The following DAB2 variants were observed in gnomAD, a reference collection of about 807,000 sequenced individuals.
The protein encoded by DAB2 is DAB adaptor protein 2.
A neutral mutation model predicts 71.6 loss-of-function variants in DAB2; 28 were observed. The observed-to-expected ratio is 0.39, with a 90% CI of 0.29 to 0.54. DAB2 has a LOEUF of 0.54. Among genes scored for constraint, DAB2 ranks in the 20% least tolerant of loss-of-function variants. The pLI, the probability that DAB2 is intolerant of heterozygous loss-of-function variation, is 0.68. For missense variants in DAB2, 867 were observed against 928.8 expected, an observed-to-expected ratio of 0.93 and a Z score of 0.86; for synonymous variants, 345 against 339.7, an observed-to-expected ratio of 1.02 and a Z score of -0.17.
chr5:39,422,213 C>T lies in DAB2; in HGVS notation c.-102+2591G>A, dbSNP rs551050979. On this transcript the variant is annotated intron_variant, in intron 1 of 14. Coordinates refer to ENST00000320816, the MANE Select transcript of DAB2 (RefSeq NM_001343.4). This position sits in a 1 kb window ranked among gnomAD's most constrained non-coding sequence, Gnocchi z 4.1. ...AATTTTAAAATACCACATCCTGTTA[C>T]TCAGGTGTTTCATATTGCCAATCTG... Among the ~76,000 whole-genome samples the T allele has an allele frequency of 1.3e-5, 2 of 152,342 alleles. No homozygotes were observed. Among genetic ancestry groups the T allele is most frequent in the South Asian group, 2.1e-4 (1 of 4,828 alleles).
intron 2 of DAB2, among the ~76,000 whole-genome samples, chr5:39,393,775 C>A (rs1428490142): frequency 6.6e-6 from 1 of 152,062 alleles, no homozygotes; most frequent in Admixed American, 6.5e-5. Context: ...AATTTACCAA[C>A]ATTTTAAATT....
At chr5:39,408,963 A>ACCCC (rs958599344) in intron 1 of DAB2, 8 of 152,158 alleles carry the variant, frequency 5.3e-5, no homozygotes, top group African/African-American at 1.9e-4. Context: ...TGGATAAGAA[A>ACCCC]CCCCTGGGTA....
chr5:39,424,613 G>A (rs1301773455), intron 1 of DAB2, among the ~76,000 whole-genome samples, 191 bp downstream of exon 1: 1 of 147,470 alleles, frequency 6.8e-6, no homozygotes, highest in Non-Finnish European at 1.5e-5. Context: ...GCATTCCTCA[G>A]ATGTCAGGCC....
chr5:39,411,555 C>T (rs1323426950), intron 1 of DAB2, among the ~76,000 whole-genome samples: 2 of 152,138 alleles, frequency 1.3e-5, no homozygotes, highest in African/African-American at 2.4e-5. Context: ...TTGGAGGATC[C>T]ACTCCATGGT....
intron 1 of DAB2, among the ~76,000 whole-genome samples, chr5:39,406,590 A>G (rs577509975): frequency 1.3e-5 from 2 of 152,352 alleles, no homozygotes; most frequent in African/African-American, 4.8e-5. Context: ...CTAGTTTTGA[A>G]GTGATATTAA....
In DAB2 at chr5:39,377,273, G is replaced by A. The variant is rs145194026; in HGVS notation, c.1514C>T (p.Thr505Ile). ...TGGTCCTGCCTGAGGGAGTGTGACA[G>A]TTACACCACCTGAAGTAAGAGGAAG... ...VGPLVGLGGV[T>I]VTLPQAGPWN... is the part of the protein sequence containing the mutation. Residue 505 changes from threonine (T) to isoleucine (I), a missense_variant, in exon 12 of 15, where the codon ACT becomes ATT. Physicochemically the swap from Thr to Ile is moderately conservative, Grantham distance 89 (BLOSUM62 -1). Coordinates refer to ENST00000320816, the MANE Select transcript of DAB2 (RefSeq NM_001343.4). 1.5e-3 allele frequency: 2,433 copies of A among 1,609,264 alleles called. 4 individuals are homozygous for A. Among genetic ancestry groups the A allele is most frequent in the East Asian group, 0.015 (662 of 44,790 alleles).
intron 1 of DAB2, among the ~76,000 whole-genome samples, chr5:39,403,226 G>C (rs1453924990): frequency 1.3e-5 from 2 of 152,150 alleles, no homozygotes; most frequent in Non-Finnish European, 2.9e-5. Flanking sequence ...AGAAAACTGA[G>C]GGCAAGAAAG....
intron 9 of DAB2, 163 bp downstream of exon 9, chr5:39,388,142 T>C (rs1222450690): frequency 5.0e-6 from 3 of 604,316 alleles, no homozygotes; most frequent in Non-Finnish European, 5.9e-6. Context: ...GTTCCCATGG[T>C]GACTTAAGAT....
At chr5:39,378,419 C>A (rs1175415314) in intron 11 of DAB2, among the ~76,000 whole-genome samples, 1 of 152,188 alleles carries the variant, frequency 6.6e-6, no homozygotes, top group Non-Finnish European at 1.5e-5. Flanking sequence ...GCATGGCATT[C>A]TTTAGTTATG....
chr5:39,400,243 T>C (rs1481064447), intron 1 of DAB2, among the ~76,000 whole-genome samples: 1 of 152,088 alleles, frequency 6.6e-6, no homozygotes, highest in Non-Finnish European at 1.5e-5. Context: ...CTTTTTTTTT[T>C]TTTCTTGAGA....
At chr5:39,389,158 A>G (rs1755166885) in intron 6 of DAB2, 35 bp from the exon 7 acceptor site, 3 of 1,571,068 alleles carry the variant, frequency 1.9e-6, no homozygotes, top group Non-Finnish European at 2.6e-6. Context: ...TGATCTTCAT[A>G]TTCATAGTGA....
At chr5:39,383,296 A>G (rs777450305) in intron 9 of DAB2, 25 bp from the exon 10 acceptor site, 2 of 1,550,810 alleles carry the variant, frequency 1.3e-6, no homozygotes, top group South Asian at 1.2e-5. Flanking sequence ...AAGAAAAAAA[A>G]AGAAAGTGTT....
At chr5:39,412,093 T>A (rs907625219) in intron 1 of DAB2, among the ~76,000 whole-genome samples, 2 of 152,104 alleles carry the variant, frequency 1.3e-5, no homozygotes, top group Non-Finnish European at 2.9e-5. Context: ...CTATTTTATA[T>A]TTGCACCTGG....
At position 39,373,172 on chromosome 5, in the gene DAB2, CT is replaced by C. The variant is rs1424324973; in HGVS notation, c.*258del. 2 of 152,154 alleles carry C rather than the reference CT, an allele frequency of 1.3e-5. No individual in the cohort carries two copies. Among genetic ancestry groups the C allele is most frequent in the African/African-American group, 2.4e-5 (1 of 41,410 alleles). The allele number at this position is 152,154 out of a possible 1,614,324, so 9.4% of individuals were successfully genotyped here. A position where few individuals can be genotyped will look rare whatever the true frequency, so the allele number is the denominator to read the frequency against. ...GAGGCAGGGTTCAGTAGGGAAACTA[CT>C]GTACTTCATTTACACTTAAGCTAGA... On this transcript the variant is annotated 3_prime_UTR_variant, in exon 15 of 15. Coordinates refer to ENST00000320816, the MANE Select transcript of DAB2 (RefSeq NM_001343.4).
At position 39,388,780 on chromosome 5, in the gene DAB2, G is replaced by A. The variant is rs755944875; in HGVS notation, c.624+19C>T. On this transcript the variant is annotated intron_variant, in intron 8 of 14. Coordinates refer to ENST00000320816, the MANE Select transcript of DAB2 (RefSeq NM_001343.4). Reference sequence around the variant, plus strand: ...TTCAGATAAGTAAGAACTGTCAAACGTCACATATTAATACATACCGATTTC... The same window carrying A: ...TTCAGATAAGTAAGAACTGTCAAACATCACATATTAATACATACCGATTTC... The A allele has an allele frequency of 3.1e-5, 49 of 1,603,106 alleles. No homozygotes were observed. The highest frequency in any genetic ancestry group is 1.2e-4 in the Admixed American group (7 of 59,900).
At chr5:39,393,103 G>A (rs999475282) in intron 3 of DAB2, 151 bp downstream of exon 3, 9 of 741,250 alleles carry the variant, frequency 1.2e-5, no homozygotes, top group East Asian at 5.1e-5. Context: ...AAACACTCAC[G>A]GTTTCTCAGA....
intron 1 of DAB2, among the ~76,000 whole-genome samples, chr5:39,398,977 G>A (rs920813213): frequency 2.6e-5 from 4 of 152,136 alleles, no homozygotes; most frequent in African/African-American, 9.7e-5. Flanking sequence ...GGTTTTTAAT[G>A]AGTTGAATTT....
chr5:39,382,226 A>C (rs1360395698), intron 10 of DAB2, among the ~76,000 whole-genome samples: 1 of 152,214 alleles, frequency 6.6e-6, no homozygotes, highest in Non-Finnish European at 1.5e-5. Flanking sequence ...ACACTGATGC[A>C]ACATGATGGG....
At chr5:39,388,707 T>C in intron 8 of DAB2, 92 bp downstream of exon 8, 1 of 1,033,928 alleles carries the variant, frequency 9.7e-7, no homozygotes, top group African/African-American at 1.6e-5. Context: ...TCATATAGAT[T>C]CAATACAGAT....
Sources: gnomAD v4.1 joint callset for allele counts (sites outside exome capture counted in the v4.1 genomes callset) on GRCh38, gnomAD v4.1.1 for gene constraint, Gnocchi (gnomAD v3.1) non-coding constraint, MANE v1.5 for transcripts, NCBI Gene and HGNC (gene_info 2026-07-23, HGNC 2026-07-21) for gene names.